Variants in TACC3 observed in about 807,000 individuals in gnomAD.
TACC3 encodes transforming acidic coiled-coil containing protein 3.
Under a neutral mutation model 86.0 loss-of-function variants are expected in TACC3, and 52 were observed. That is an observed-to-expected ratio of 0.60 (90% CI 0.48 to 0.76). The LOEUF (loss-of-function observed/expected upper bound fraction) is 0.76. TACC3 is among the 30% of genes least tolerant of loss of function. The pLI is 0.00. For synonymous variants in TACC3, 512 were observed against 430.0 expected, an observed-to-expected ratio of 1.19 and a Z score of -2.36; for missense variants, 1,120 against 1,070.4, an observed-to-expected ratio of 1.05 and a Z score of -0.65.
At chr4:1,722,121 C>T (rs1717415348) in intron 1 of TACC3, among the ~76,000 whole-genome samples, 1 of 152,208 alleles carries the variant, frequency 6.6e-6, no homozygotes, top group African/African-American at 2.4e-5. Context: ...TCCCCCCGCA[C>T]CGCATCCCTC....
At chr4:1,741,798 A>G (rs1718612476) in intron 13 of TACC3, 1 of 152,258 alleles carries the variant, frequency 6.6e-6, no homozygotes, top group Non-Finnish European at 1.5e-5. Flanking sequence ...GCTGGGGCCC[A>G]GCTGCCTAAC....
chr4:1,736,722 A>G (rs901574598), intron 8 of TACC3, among the ~76,000 whole-genome samples: 1 of 152,024 alleles, frequency 6.6e-6, no homozygotes, highest in Non-Finnish European at 1.5e-5. Context: ...CAGCCTGGCC[A>G]ACATAGTGAA....
chr4:1,736,290 G>C (rs905207319), intron 8 of TACC3, among the ~76,000 whole-genome samples: 8 of 151,952 alleles, frequency 5.3e-5, no homozygotes, highest in African/African-American at 1.9e-4. Flanking sequence ...GGGTGTGACG[G>C]CATGCACCTG....
intron 10 of TACC3, chr4:1,737,908 C>G (rs967058717): frequency 4.4e-6 from 3 of 676,194 alleles, no homozygotes; most frequent in Non-Finnish European, 8.1e-6. Context: ...CCAGTGTCCC[C>G]GCAGTCAGCT....
At chr4:1,738,335 G>C in intron 10 of TACC3, 1 of 210,340 alleles carries the variant, frequency 4.8e-6, no homozygotes, top group Non-Finnish European at 9.9e-6. Context: ...ATCCACACCA[G>C]TGTTGTTCAC....
chr4:1,723,763 G>T lies in TACC3; in HGVS notation c.198G>T (p.Thr66=). The T allele has an allele frequency of 6.2e-7, 1 of 1,613,802 alleles. No homozygotes were observed. Among genetic ancestry groups the T allele is most frequent in the South Asian group, 1.1e-5 (1 of 91,086 alleles). The part of the protein sequence containing the change: ...TFQTPLRDPQ[T]HRILSPSMAS... ...AGACACCTCTGCGGGATCCACAGAC[G>T]CACAGGATTCTAAGTCCTAGCATGG... The change falls in exon 3 of 16, where the codon ACG becomes ACT. Residue 66 remains threonine, a synonymous_variant. Coordinates refer to ENST00000313288, the MANE Select transcript of TACC3 (RefSeq NM_006342.3).
At chr4:1,740,472 G>A (rs1718534626) in intron 12 of TACC3, 2 of 310,922 alleles carry the variant, frequency 6.4e-6, no homozygotes, top group Admixed American at 9.4e-5. Flanking sequence ...TGACCGCCTG[G>A]CCCTTGCAGT....
chr4:1,739,545 C>T, intron 10 of TACC3, 157 bp from the exon 11 acceptor site: 1 of 683,478 alleles, frequency 1.5e-6, no homozygotes, highest in Non-Finnish European at 2.4e-6. Context: ...TTGGCCTCGA[C>T]AGGGTTCCCA....
chr4:1,727,339 T>C (rs1298790834), intron 3 of TACC3, among the ~76,000 whole-genome samples: 6 of 152,088 alleles, frequency 3.9e-5, no homozygotes, highest in Admixed American at 3.9e-4. Flanking sequence ...ACGAGTGCTG[T>C]TTGGGTGGCA....
chr4:1,724,317 C>T (rs1577205898), intron 3 of TACC3, among the ~76,000 whole-genome samples: 1 of 150,798 alleles, frequency 6.6e-6, no homozygotes, highest in East Asian at 2.0e-4. Flanking sequence ...GTGTATGCAG[C>T]ATATGGCCAG....
rs751284407 is a variant in TACC3, at chr4:1,745,000, TGGA to T, written c.2506_2508del (p.Glu836del). The T allele has an allele frequency of 4.4e-6, 7 of 1,609,114 alleles. No homozygotes were observed. In the Admixed American group the frequency reaches 1.2e-4, roughly 27 times the overall value. Reference sequence around the variant, plus strand: ...ATCTGCGACGACCTCATCTCCAAGATGGAGAAGATCTGACCTCCACGGAGCCGC... The same window carrying T: ...ATCTGCGACGACCTCATCTCCAAGATGAAGATCTGACCTCCACGGAGCCGC... On this transcript the variant is annotated inframe_deletion, in exon 16 of 16. Coordinates refer to ENST00000313288, the MANE Select transcript of TACC3 (RefSeq NM_006342.3).
In TACC3 at chr4:1,737,310, G is replaced by C. The variant is rs1318445620; in HGVS notation, c.1818G>C (p.Leu606Phe). The change falls in exon 9 of 16, where the codon TTG (leucine) becomes TTC (phenylalanine). Residue 606 changes from leucine to phenylalanine, a missense_variant. Coordinates refer to ENST00000313288, the MANE Select transcript of TACC3 (RefSeq NM_006342.3). ...CCAAGCTTGTGGAGTTCGATTTCTT[G>C]GGAGCACTGGACATTCCTGTAAGTC... is the stretch of plus-strand genomic sequence containing the variant. ...REAKLVEFDF[L>F]GALDIPVPGP... 8.1e-6 allele frequency: 13 copies of C among 1,614,096 alleles called. No individual in the cohort carries two copies. Among genetic ancestry groups the C allele is most frequent in the Non-Finnish European group, 1.1e-5 (13 of 1,179,992 alleles).
chr4:1,737,095 C>G, intron 8 of TACC3, 146 bp from the exon 9 acceptor site: 1 of 644,680 alleles, frequency 1.6e-6, no homozygotes, highest in Non-Finnish European at 2.8e-6. Flanking sequence ...ATGCTGGATG[C>G]GGGTCTGCGT....
intron 10 of TACC3, chr4:1,738,037 G>C (rs977131275): frequency 1.3e-5 from 5 of 397,382 alleles, no homozygotes; most frequent in African/African-American, 8.2e-5. Flanking sequence ...CTTTCCTCCC[G>C]CCCTCCCACG....
intron 6 of TACC3, among the ~76,000 whole-genome samples, chr4:1,732,720 C>T (rs1190590100): frequency 2.6e-5 from 4 of 152,194 alleles, no homozygotes; most frequent in African/African-American, 4.8e-5. Flanking sequence ...TCACACAGCA[C>T]GGCCTTCTGT....
chr4:1,744,580 G>A lies in TACC3; in HGVS notation c.2286G>A (p.Gln762=). The change falls in exon 14 of 16, where the codon CAG becomes CAA. Residue 762 remains glutamine, a synonymous_variant. Transcript: ENST00000313288. The stretch of plus-strand genomic sequence containing the variant: ...TGGCAAGGATCACCCAGGAGGGCCA[G>A]AGGTACCAAGCCCTGAAGGCCCACG... The part of the protein sequence containing the change: ...DYLARITQEG[Q]RYQALKAHAE... The A allele has an allele frequency of 6.2e-7, 1 of 1,613,298 alleles. No individual in the cohort carries two copies. The highest frequency in any genetic ancestry group is 8.5e-7 in the Non-Finnish European group (1 of 1,180,014).
intron 13 of TACC3, among the ~76,000 whole-genome samples, chr4:1,742,841 AC>A (rs1465611151): frequency 6.6e-6 from 1 of 151,142 alleles, no homozygotes; most frequent in Non-Finnish European, 1.5e-5. Context: ...GGTGGTGTGC[AC>A]CTATAGTCCC....
intron 10 of TACC3, among the ~76,000 whole-genome samples, chr4:1,738,889 A>G (rs1194207695): frequency 5.3e-5 from 8 of 152,096 alleles, no homozygotes; most frequent in Non-Finnish European, 1.2e-4. Context: ...GGTGACCGGG[A>G]TGAGTCAGGA....
At chr4:1,726,939 C>G (rs1343538322) in intron 3 of TACC3, among the ~76,000 whole-genome samples, 4 of 152,036 alleles carry the variant, frequency 2.6e-5, no homozygotes, top group Admixed American at 2.0e-4. Context: ...CCAGGCTGAC[C>G]AACATGATGA....
Sources: allele counts gnomAD v4.1 joint callset (sites outside exome capture counted in the v4.1 genomes callset), GRCh38; gene constraint gnomAD v4.1.1; transcripts MANE v1.5; gene names NCBI Gene and HGNC (gene_info 2026-07-23, HGNC 2026-07-21).